Variants in NR5A2 observed in about 807,000 individuals in gnomAD.
NR5A2 encodes nuclear receptor subfamily 5 group A member 2, also known as CYP7A promoter-binding factor.
A neutral mutation model predicts 62.7 loss-of-function variants in NR5A2; 26 were observed. The observed-to-expected ratio is 0.41, with a 90% CI of 0.30 to 0.58. The LOEUF (loss-of-function observed/expected upper bound fraction) is 0.58, where lower values mean the gene tolerates loss of function less well. Ranked by LOEUF, NR5A2 falls within the 20% of genes least tolerant of loss-of-function variation. NR5A2 has a pLI of 0.22. For missense variants in NR5A2, 541 were observed against 669.1 expected, an observed-to-expected ratio of 0.81 and a Z score of 2.11; for synonymous variants, 246 against 241.7, an observed-to-expected ratio of 1.02 and a Z score of -0.16.
In NR5A2 at chr1:200,169,373, C is replaced by T. The variant is rs534859858; in HGVS notation, c.1379-4590C>T. Among the ~76,000 whole-genome samples, 9 of 152,236 alleles carry T rather than the reference C, an allele frequency of 5.9e-5. No homozygotes were observed. The South Asian group carries it at 1.9e-3, about 32-fold the overall frequency. On this transcript the variant is annotated intron_variant, in intron 7 of 7. Coordinates refer to ENST00000367362, the MANE Select transcript of NR5A2 (RefSeq NM_205860.3). ...CAAAAGTCAACACACTCCATGTGAG[C>T]CTCACAGCCCCCAGCCCCCTGGCTC...
At chr1:200,045,345 G>A in intron 3 of NR5A2, 98 bp from the exon 4 acceptor site, 1 of 1,078,634 alleles carries the variant, frequency 9.3e-7, no homozygotes, top group Non-Finnish European at 1.3e-6. Flanking sequence ...CTCAAATAGT[G>A]CAATGAGAGG....
At chr1:200,029,068 G>C (rs950494579) in intron 1 of NR5A2, 1 of 448,250 alleles carries the variant, frequency 2.2e-6, no homozygotes. Flanking sequence ...AAAGATGAGA[G>C]AGCAGCACAC....
At chr1:200,088,004 G>A (rs1338629666) in intron 5 of NR5A2, among the ~76,000 whole-genome samples, 3 of 152,062 alleles carry the variant, frequency 2.0e-5, no homozygotes, top group African/African-American at 7.2e-5. Flanking sequence ...GCCCACCTGG[G>A]CCTCACAAAA....
chr1:200,101,435 C>T (rs1282528895), intron 5 of NR5A2, among the ~76,000 whole-genome samples: 1 of 152,144 alleles, frequency 6.6e-6, no homozygotes, highest in African/African-American at 2.4e-5. Flanking sequence ...TGAAGTTTGT[C>T]AATACACGAA....
chr1:200,041,395 C>G (rs1348825691), intron 2 of NR5A2, among the ~76,000 whole-genome samples: 2 of 152,146 alleles, frequency 1.3e-5, no homozygotes, highest in Non-Finnish European at 2.9e-5. Context: ...GCATGGGAAG[C>G]GCCGGGGCAA....
At chr1:200,104,907 C>T (rs1665572787) in intron 5 of NR5A2, among the ~76,000 whole-genome samples, 1 of 152,164 alleles carries the variant, frequency 6.6e-6, no homozygotes, top group Non-Finnish European at 1.5e-5. Context: ...AAGTAGTCTG[C>T]CTGCCTCGGC....
At position 200,070,679 on chromosome 1, in the gene NR5A2, C is replaced by CAAAA. The variant is rs34685659; in HGVS notation, c.1110+21873_1110+21876dup. Among the ~76,000 whole-genome samples the CAAAA allele has an allele frequency of 1.3e-4, 18 of 133,612 alleles. 1 individual carries two copies. The highest frequency in any genetic ancestry group is 2.2e-4 in the Non-Finnish European group (14 of 63,294). The allele number at this position is 133,612 out of a possible 152,430, so 87.7% of individuals were successfully genotyped here. A position where few individuals can be genotyped will look rare whatever the true frequency, so the allele number is the denominator to read the frequency against. ...TAGGTGACAGAGTGAGACTCTGTCT[C>CAAAA]AAAAAAAAAAAAAAATCACTCACTG... On this transcript the variant is annotated intron_variant, in intron 5 of 7. Transcript: ENST00000367362.
intron 7 of NR5A2, among the ~76,000 whole-genome samples, chr1:200,151,896 A>T (rs1175955765): frequency 6.6e-6 from 1 of 152,244 alleles, no homozygotes; most frequent in East Asian, 1.9e-4. Context: ...CAGCCAAGCA[A>T]TGAGGACCCT....
At position 200,121,949 on chromosome 1, in the gene NR5A2, C is replaced by A. The variant is rs187486776; in HGVS notation, c.1378+994C>A. 1.8e-3 allele frequency among the ~76,000 whole-genome samples: 277 copies of A among 152,268 alleles called. 2 individuals are homozygous for A. Among genetic ancestry groups the A allele is most frequent in the African/African-American group, 6.3e-3 (260 of 41,554 alleles). ...ATTTTTAAAATTCTTCTTGACAGGA[C>A]TGCACAACTGTTGCTAATAAAGGGG... is the stretch of plus-strand genomic sequence containing the variant. On this transcript the variant is annotated intron_variant, in intron 7 of 7. Coordinates refer to ENST00000367362, the MANE Select transcript of NR5A2 (RefSeq NM_205860.3).
At chr1:200,034,707 T>C (rs1337749622) in intron 1 of NR5A2, among the ~76,000 whole-genome samples, 2 of 151,508 alleles carry the variant, frequency 1.3e-5, no homozygotes, top group African/African-American at 4.9e-5. Context: ...TCATAGTGAT[T>C]GTGAATCAAT....
intron 5 of NR5A2, among the ~76,000 whole-genome samples, chr1:200,062,375 T>C (rs1297715417): frequency 6.6e-6 from 1 of 152,186 alleles, no homozygotes; most frequent in Non-Finnish European, 1.5e-5. Context: ...CTGTATCCTG[T>C]GGACTCTGAA....
chr1:200,119,500 T>A (rs1666386231), intron 6 of NR5A2, among the ~76,000 whole-genome samples: 1 of 152,228 alleles, frequency 6.6e-6, no homozygotes. Context: ...AGGTACCAAC[T>A]GGGCTTTCCC....
At position 200,143,425 on chromosome 1, in the gene NR5A2, T is replaced by G. The variant is rs562290833; in HGVS notation, c.1378+22470T>G. 1.8e-3 allele frequency among the ~76,000 whole-genome samples: 266 copies of G among 147,504 alleles called. 2 individuals carry two copies. Among genetic ancestry groups the G allele is most frequent in the African/African-American group, 6.0e-3 (238 of 39,982 alleles). Reference sequence around the variant, plus strand: ...GGGCAGTAAATTAGGATTAGTTTTGTTTTTTTTTTCCCCCTTCTTTCATTC... The same window carrying G: ...GGGCAGTAAATTAGGATTAGTTTTGGTTTTTTTTTCCCCCTTCTTTCATTC... On this transcript the variant is annotated intron_variant, in intron 7 of 7. Transcript: ENST00000367362.
intron 5 of NR5A2, among the ~76,000 whole-genome samples, chr1:200,073,304 ATATATATATATTCCCCTT>A (rs1663837420): frequency 8.4e-6 from 1 of 119,004 alleles, no homozygotes; most frequent in Non-Finnish European, 1.7e-5. Context: ...CCCTTTATAT[ATATATATATATTCCCCTT>A]TATATATATA....
intron 1 of NR5A2, among the ~76,000 whole-genome samples, chr1:200,035,333 G>T (rs1661728756): frequency 6.6e-6 from 1 of 152,162 alleles, no homozygotes; most frequent in Non-Finnish European, 1.5e-5. Flanking sequence ...GTTTGGGTGG[G>T]TCATCTACCC....
chr1:200,046,141 C>G lies in NR5A2; in HGVS notation c.463+557C>G, dbSNP rs144019433. On this transcript the variant is annotated intron_variant, in intron 4 of 7. Transcript: ENST00000367362. ...AATGTATTTTTTTAAAAGATAATGA[C>G]TGAGGCTGCAAAATAAAAAATTGAG... Among the ~76,000 whole-genome samples the G allele has an allele frequency of 3.3e-3, 497 of 152,058 alleles. 3 individuals carry two copies. The highest frequency in any genetic ancestry group is 0.011 in the African/African-American group (474 of 41,496).
intron 7 of NR5A2, among the ~76,000 whole-genome samples, chr1:200,134,015 A>T (rs1667105643): frequency 6.7e-6 from 1 of 149,754 alleles, no homozygotes; most frequent in African/African-American, 2.5e-5. Context: ...GTAGATAAAT[A>T]AATTTAAAAA....
rs905538265 is a variant in NR5A2 at position 200,175,490 on chromosome 1, A to G, written c.*1280A>G. 12 of 152,810 alleles carry G rather than the reference A, an allele frequency of 7.9e-5. No homozygotes were observed. The highest frequency in any genetic ancestry group is 3.4e-3 in the Middle Eastern group (1 of 294). 9.5% of individuals were successfully genotyped at this position (152,810 alleles called of 1,614,324 possible). On this transcript the variant is annotated 3_prime_UTR_variant, in exon 8 of 8. Transcript: ENST00000367362. ...ATCGCAAATTCTTCAAATGACTATT[A>G]TCAGTATTATTAACATGCGATGCCA...
At chr1:200,162,901 A>T (rs1032371847) in intron 7 of NR5A2, among the ~76,000 whole-genome samples, 3 of 152,192 alleles carry the variant, frequency 2.0e-5, no homozygotes, top group Non-Finnish European at 4.4e-5. Context: ...TGAGTTTGAG[A>T]TGTCCCCTGG....
Sources: allele counts gnomAD v4.1 joint callset (sites outside exome capture counted in the v4.1 genomes callset), GRCh38; gene constraint gnomAD v4.1.1; transcripts MANE v1.5; gene names NCBI Gene and HGNC (gene_info 2026-07-23, HGNC 2026-07-21).